The following SLC9A3 variants were observed in gnomAD, a reference collection of about 807,000 sequenced individuals.
SLC9A3 encodes the protein solute carrier family 9 member A3.
Under a neutral mutation model 86.8 loss-of-function variants are expected in SLC9A3, and 37 were observed. The ratio of observed to expected loss-of-function variants is 0.43; its 90% CI spans 0.33 to 0.56. SLC9A3 has a LOEUF of 0.56. Among genes scored for constraint, SLC9A3 ranks in the 20% least tolerant of loss-of-function variants. The pLI is 0.06. For synonymous variants in SLC9A3, 581 were observed against 528.3 expected (o/e 1.10, Z -1.37); for missense variants, 1,011 against 1,171.9 (o/e 0.86, Z 2.00).
chr5:477,246 C>T lies in SLC9A3; in HGVS notation c.1760+86G>A, dbSNP rs79705784. 5.8e-3 allele frequency: 5,422 copies of T among 933,408 alleles called. 29 individuals carry two copies. Among genetic ancestry groups the T allele is most frequent in the African/African-American group, 0.019 (1,139 of 60,344 alleles). 57.8% of individuals were successfully genotyped at this position (933,408 alleles called of 1,614,324 possible). A position where few individuals can be genotyped will look rare whatever the true frequency, so the allele number is the denominator to read the frequency against. Reference sequence around the variant, plus strand: ...CCCCTCTTCCATGCCACCCCCAGGCCAGGAGCCACCACAGCCCTGTCTGTG... The same window carrying T: ...CCCCTCTTCCATGCCACCCCCAGGCTAGGAGCCACCACAGCCCTGTCTGTG... On this transcript the variant is annotated intron_variant, in intron 11 of 16. Transcript: ENST00000264938.
At position 472,051 on chromosome 5, in the gene SLC9A3, C is replaced by T; in HGVS notation, c.*1328G>A. The T allele has an allele frequency of 2.2e-6, 1 of 454,790 alleles. No individual in the cohort carries two copies. Among genetic ancestry groups the T allele is most frequent in the Non-Finnish European group, 4.4e-6 (1 of 225,702 alleles). 28.2% of individuals were successfully genotyped at this position (454,790 alleles called of 1,614,324 possible). A position where few individuals can be genotyped will look rare whatever the true frequency, so the allele number is the denominator to read the frequency against. ...CCCCTAGGAGTGTCCACCTCCACCA[C>T]TTCCACCGTGCAGGCAGGTTTCAGG... On this transcript the variant is annotated 3_prime_UTR_variant, in exon 17 of 17. Coordinates refer to ENST00000264938, the MANE Select transcript of SLC9A3 (RefSeq NM_004174.4).
Position 471,493 on chromosome 5 carries a change from C to T in SLC9A3, c.*1886G>A. 1 of 342,952 alleles carries T rather than the reference C, an allele frequency of 2.9e-6. No individual in the cohort carries two copies. 21.2% of individuals were successfully genotyped at this position (342,952 alleles called of 1,614,324 possible). ...AAACCTCCCAGCAGTTCAGATGGGA[C>T]AAACTGGGGGCCTGTCAGAACAGCC... is the stretch of plus-strand genomic sequence containing the variant. On this transcript the variant is annotated 3_prime_UTR_variant, in exon 17 of 17. Transcript: ENST00000264938.
At chr5:479,347 G>T in intron 10 of SLC9A3, 1 of 160,402 alleles carries the variant, frequency 6.2e-6, no homozygotes, top group Non-Finnish European at 1.4e-5. Flanking sequence ...AGCAGTCAGG[G>T]GCTCTGCAGA....
Position 472,696 on chromosome 5 carries a change from G to A in SLC9A3, c.*683C>T, listed in dbSNP as rs1384584843. On this transcript the variant is annotated 3_prime_UTR_variant, in exon 17 of 17. Coordinates refer to ENST00000264938, the MANE Select transcript of SLC9A3 (RefSeq NM_004174.4). The stretch of plus-strand genomic sequence containing the variant: ...CACTTTACCTGCAGTTCAAAGACCT[G>A]GCGAGGGCCTGGAAACGGCGCTCGG... The A allele has an allele frequency of 6.9e-5, 37 of 535,390 alleles. No individual in the cohort carries two copies. In the East Asian group the frequency reaches 1.5e-3, roughly 21 times the overall value. The allele number at this position is 535,390 out of a possible 1,614,324, so 33.2% of individuals were successfully genotyped here.
Position 485,130 on chromosome 5 carries a change from C to T in SLC9A3, c.754+23G>A, listed in dbSNP as rs753131956. The T allele has an allele frequency of 3.2e-6, 5 of 1,586,542 alleles. No individual in the cohort carries two copies. The African/African-American group carries it at 4.0e-5, about 13-fold the overall frequency. On this transcript the variant is annotated intron_variant, in intron 4 of 16. Transcript: ENST00000264938. ...CCCAGAGGAGACACGGCCGCCCACTCCCCCTGACCCACAGCTACACACCTA... is the reference window on the plus strand; with the variant it reads ...CCCAGAGGAGACACGGCCGCCCACTTCCCCTGACCCACAGCTACACACCTA...
chr5:514,563 G>T (rs75706808), intron 1 of SLC9A3, among the ~76,000 whole-genome samples: 1 of 152,202 alleles, frequency 6.6e-6, no homozygotes, highest in Non-Finnish European at 1.5e-5. Flanking sequence ...GGAGTGGTAC[G>T]GCCCGCTGAG....
chr5:483,328 T>C lies in SLC9A3; in HGVS notation c.1087A>G (p.Ile363Val), dbSNP rs1416940352. ...FLGISAVNPF[I>V]WTWNTAFVLL... is the part of the protein sequence containing the mutation. ...ACGAAGGCCGTGTTCCAGGTCCAGA[T>C]GAACGGGTTCACGGCCGAGATACCC... is the stretch of plus-strand genomic sequence containing the variant. The change falls in exon 6 of 17, where the codon ATC becomes GTC. Residue 363 changes from isoleucine (I) to valine (V), a missense_variant. Physicochemically the swap from Ile to Val is conservative, Grantham distance 29. Transcript: ENST00000264938. 1 of 1,566,290 alleles carries C rather than the reference T, an allele frequency of 6.4e-7. No individual in the cohort carries two copies. Among genetic ancestry groups the C allele is most frequent in the African/African-American group, 1.4e-5 (1 of 73,642 alleles).
At chr5:521,517 A>C (rs1370158423) in intron 1 of SLC9A3, among the ~76,000 whole-genome samples, 1 of 152,216 alleles carries the variant, frequency 6.6e-6, no homozygotes, top group East Asian at 1.9e-4. Flanking sequence ...AATTCAACAA[A>C]TGTTTGGAAA....
chr5:489,204 G>A lies in SLC9A3; in HGVS notation c.515-728C>T, dbSNP rs535188166. ...TGTGGCCACGTGGCCCCGAGAGTCT[G>A]CCCTCTCTCACGGCCGCAGGGCTCA... On this transcript the variant is annotated intron_variant, in intron 2 of 16. Transcript: ENST00000264938. Among the ~76,000 whole-genome samples, 738 of 152,340 alleles carry A rather than the reference G, an allele frequency of 4.8e-3. 5 individuals carry two copies. The highest frequency in any genetic ancestry group is 7.3e-3 in the Non-Finnish European group (498 of 68,016).
In SLC9A3 at chr5:497,715, T is replaced by C. The variant is rs7704351; in HGVS notation, c.212-5644A>G. On this transcript the variant is annotated intron_variant, in intron 1 of 16. Coordinates refer to ENST00000264938, the MANE Select transcript of SLC9A3 (RefSeq NM_004174.4). This position sits in a 1 kb window ranked among gnomAD's most constrained non-coding sequence, Gnocchi z 5.4. ...AGTGAAGCCTCATCTGCCCCTGTCCTGGGTGGGGTCGCCCGGCCGCATCCC... is the reference window on the plus strand; with the variant it reads ...AGTGAAGCCTCATCTGCCCCTGTCCCGGGTGGGGTCGCCCGGCCGCATCCC... Among the ~76,000 whole-genome samples the C allele has an allele frequency of 0.31, 22,231 of 71,902 alleles. 3,319 individuals are homozygous for C. Among genetic ancestry groups the C allele is most frequent in the South Asian group, 0.37 (844 of 2,260 alleles). 47.2% of individuals were successfully genotyped at this position (71,902 alleles called of 152,430 possible).
intron 1 of SLC9A3, among the ~76,000 whole-genome samples, chr5:506,613 G>A (rs1560970754): frequency 1.3e-5 from 2 of 152,218 alleles, no homozygotes; most frequent in Admixed American, 6.5e-5. Flanking sequence ...TTCCCAGCAG[G>A]CTGTTTTAAC....
At chr5:509,743 G>C (rs1740795056) in intron 1 of SLC9A3, among the ~76,000 whole-genome samples, 1 of 152,176 alleles carries the variant, frequency 6.6e-6, no homozygotes, top group South Asian at 2.1e-4. Context: ...AGAGGAGAAT[G>C]GGGTGCGGGG....
chr5:510,840 C>T (rs1740843659), intron 1 of SLC9A3, among the ~76,000 whole-genome samples: 3 of 152,214 alleles, frequency 2.0e-5, no homozygotes, highest in Admixed American at 2.0e-4. Context: ...ACCAGCAGCA[C>T]ACGCAGCTTT....
intron 1 of SLC9A3, among the ~76,000 whole-genome samples, chr5:505,153 G>A (rs921562063): frequency 1.3e-4 from 16 of 127,978 alleles, no homozygotes; most frequent in African/African-American, 5.0e-4. Context: ...TAGCTTCAGA[G>A]GCTCTTAAGG....
chr5:498,220 G>A (rs761454902), intron 1 of SLC9A3, among the ~76,000 whole-genome samples: 107 of 151,810 alleles, frequency 7.0e-4, no homozygotes, highest in Non-Finnish European at 1.0e-3. Flanking sequence ...CTCTGTGAAC[G>A]TCCTCACGAT....
chr5:480,856 A>G (rs1739120367), intron 9 of SLC9A3: 2 of 152,264 alleles, frequency 1.3e-5, no homozygotes, highest in South Asian at 2.1e-4. Flanking sequence ...CATGTTTTTT[A>G]TAATAAAACA....
At chr5:480,149 TTGGA>T (rs1218848787) in intron 9 of SLC9A3, 184 bp from the exon 10 acceptor site, 7 of 607,894 alleles carry the variant, frequency 1.2e-5, no homozygotes, top group Non-Finnish European at 2.0e-5. Context: ...GCCTGTCCTG[TTGGA>T]TGGAGGCCGT....
chr5:522,422 T>C (rs1476228819), intron 1 of SLC9A3, among the ~76,000 whole-genome samples: 1 of 152,250 alleles, frequency 6.6e-6, no homozygotes, highest in Non-Finnish European at 1.5e-5. Flanking sequence ...ATTCTGACTC[T>C]GTACACTGGG....
chr5:523,765 C>A (rs766614356), intron 1 of SLC9A3, among the ~76,000 whole-genome samples: 2 of 152,210 alleles, frequency 1.3e-5, no homozygotes, highest in African/African-American at 2.4e-5. Flanking sequence ...AGCCTGAGAA[C>A]CCCGAAGGAA....
Sources: allele counts gnomAD v4.1 joint callset (sites outside exome capture counted in the v4.1 genomes callset), GRCh38; gene constraint gnomAD v4.1.1; non-coding constraint Gnocchi (gnomAD v3.1); transcripts MANE v1.5; gene names NCBI Gene and HGNC (gene_info 2026-07-23, HGNC 2026-07-21).